DIAPH3: variants seen among roughly 807,000 people sequenced by gnomAD.
DIAPH3 encodes the protein protein diaphanous homolog 3.
In DIAPH3, 117 loss-of-function variants were observed where a neutral mutation model predicts 144.3. That is an observed-to-expected ratio of 0.81 (90% CI 0.70 to 0.95). DIAPH3 has a LOEUF of 0.95. Among genes scored for constraint, DIAPH3 ranks in the 40% least tolerant of loss-of-function variants. The pLI is 0.00. For missense variants in DIAPH3, 1,421 were observed against 1,412.7 expected, an observed-to-expected ratio of 1.01 and a Z score of -0.09; for synonymous variants, 519 against 488.9, an observed-to-expected ratio of 1.06 and a Z score of -0.81.
Position 60,112,196 on chromosome 13 carries a change from AAGAC to A in DIAPH3, c.214-14_214-11del. 1 of 1,613,810 alleles carries A rather than the reference AAGAC, an allele frequency of 6.2e-7. No individual in the cohort carries two copies. Among genetic ancestry groups the A allele is most frequent in the Non-Finnish European group, 8.5e-7 (1 of 1,179,966 alleles). ...TGGCAAATTTGTCCAGCTACAAAGA[AAGAC>A]AGAATGACACACGTGTAAGTATTTC... On this transcript the variant is annotated splice_polypyrimidine_tract_variant and intron_variant, in intron 2 of 27. Transcript: ENST00000400324.
At chr13:60,114,169 A>G (rs1198004613) in intron 2 of DIAPH3, among the ~76,000 whole-genome samples, 1 of 147,596 alleles carries the variant, frequency 6.8e-6, no homozygotes, top group East Asian at 1.9e-4. Flanking sequence ...AGAGAACTCT[A>G]CATTAACCCT....
At chr13:60,157,171 C>A (rs372790637) in intron 1 of DIAPH3, among the ~76,000 whole-genome samples, 1 of 151,832 alleles carries the variant, frequency 6.6e-6, no homozygotes, top group African/African-American at 2.4e-5. Context: ...CATCGAACTC[C>A]TGGCCTCAAG....
chr13:59,906,198 A>C (rs1377361492), intron 20 of DIAPH3, among the ~76,000 whole-genome samples: 2 of 152,248 alleles, frequency 1.3e-5, no homozygotes, highest in Non-Finnish European at 2.9e-5. Context: ...TCCTTCATTA[A>C]GAGAATGATT....
At chr13:60,130,629 C>T (rs983190011) in intron 2 of DIAPH3, among the ~76,000 whole-genome samples, 3 of 152,212 alleles carry the variant, frequency 2.0e-5, no homozygotes, top group Non-Finnish European at 4.4e-5. Flanking sequence ...AGAACAGTGA[C>T]TCTTTCACTT....
chr13:59,924,898 G>A (rs779047460), intron 17 of DIAPH3, 28 bp from the exon 18 acceptor site: 12 of 1,588,428 alleles, frequency 7.6e-6, no homozygotes, highest in Non-Finnish European at 1.0e-5. Context: ...ATCCATGTTA[G>A]GGGCAGCAAT....
intron 21 of DIAPH3, among the ~76,000 whole-genome samples, chr13:59,867,189 A>G (rs759400811): frequency 5.2e-4 from 78 of 151,364 alleles, no homozygotes; most frequent in Non-Finnish European, 9.9e-4. Context: ...ATAAAACAAG[A>G]TGGTTGAGGC....
At chr13:59,741,194 A>G (rs2036425259) in intron 27 of DIAPH3, among the ~76,000 whole-genome samples, 1 of 152,240 alleles carries the variant, frequency 6.6e-6, no homozygotes, top group South Asian at 2.1e-4. Context: ...TAGTTAGGAA[A>G]GAAGAAATAC....
intron 17 of DIAPH3, among the ~76,000 whole-genome samples, chr13:59,952,093 T>G (rs867081685): frequency 6.6e-6 from 1 of 152,130 alleles, no homozygotes; most frequent in African/African-American, 2.4e-5. Context: ...AACATAGCAC[T>G]GACACATGCT....
At chr13:60,028,919 T>C (rs2054579809) in intron 5 of DIAPH3, among the ~76,000 whole-genome samples, 1 of 151,694 alleles carries the variant, frequency 6.6e-6, no homozygotes, top group African/African-American at 2.4e-5. Flanking sequence ...ATTAGCCAGG[T>C]GTGGTGGCAT....
chr13:59,858,569 C>T (rs1401701549), intron 22 of DIAPH3, among the ~76,000 whole-genome samples: 3 of 151,880 alleles, frequency 2.0e-5, no homozygotes, highest in East Asian at 1.9e-4. Context: ...GTAAACTTAC[C>T]TTAGTTTTAT....
At chr13:59,718,641 C>A (rs556651152) in intron 27 of DIAPH3, among the ~76,000 whole-genome samples, 4 of 152,074 alleles carry the variant, frequency 2.6e-5, no homozygotes, top group Non-Finnish European at 5.9e-5. Context: ...TATAAAGAAA[C>A]ATTAATATTA....
At chr13:60,090,783 A>G (rs2057903691) in intron 4 of DIAPH3, among the ~76,000 whole-genome samples, 1 of 152,228 alleles carries the variant, frequency 6.6e-6, no homozygotes, top group Non-Finnish European at 1.5e-5. Context: ...CATCTGCCAA[A>G]TTATTCAGAA....
chr13:59,733,251 A>G (rs2035974755), intron 27 of DIAPH3, among the ~76,000 whole-genome samples: 1 of 152,238 alleles, frequency 6.6e-6, no homozygotes. Context: ...AAGCACATTA[A>G]TGAATATGAA....
At chr13:59,892,691 TACTC>T (rs1270301531) in intron 20 of DIAPH3, among the ~76,000 whole-genome samples, 1 of 151,876 alleles carries the variant, frequency 6.6e-6, no homozygotes, top group East Asian at 1.9e-4. Flanking sequence ...TCATTAAAAA[TACTC>T]AATCCAAAAG....
intron 21 of DIAPH3, among the ~76,000 whole-genome samples, chr13:59,862,182 G>A (rs2043633681): frequency 6.6e-6 from 1 of 152,126 alleles, no homozygotes; most frequent in Admixed American, 6.5e-5. Flanking sequence ...ACACCTCTGA[G>A]GCAGCTGAGT....
rs181748968 is a variant in DIAPH3, at chr13:59,800,515, C to T, written c.3163+10273G>A. On this transcript the variant is annotated intron_variant, in intron 25 of 27. Transcript: ENST00000400324. Reference sequence around the variant, plus strand: ...CTAATATTTTCTGGGCAGAGAAGAACGTTTCTTTAATTTCCCACAATGCCT... The same window carrying T: ...CTAATATTTTCTGGGCAGAGAAGAATGTTTCTTTAATTTCCCACAATGCCT... 3.5e-4 allele frequency among the ~76,000 whole-genome samples: 54 copies of T among 152,256 alleles called. 1 individual carries two copies. In the East Asian group the frequency reaches 6.2e-3, roughly 17 times the overall value.
chr13:60,078,228 T>C (rs2057438994), intron 4 of DIAPH3, among the ~76,000 whole-genome samples: 1 of 152,164 alleles, frequency 6.6e-6, no homozygotes, highest in South Asian at 2.1e-4. Flanking sequence ...AAGCATATTA[T>C]ATCTCACTCA....
chr13:60,157,578 T>C (rs189532718), intron 1 of DIAPH3, among the ~76,000 whole-genome samples: 138 of 152,374 alleles, frequency 9.1e-4, no homozygotes, highest in South Asian at 2.3e-3. Context: ...ACAACTGAGT[T>C]ATCTTGAGAC....
intron 18 of DIAPH3, among the ~76,000 whole-genome samples, chr13:59,919,732 AAAGT>A (rs2047417803): frequency 6.6e-6 from 1 of 152,110 alleles, no homozygotes; most frequent in Admixed American, 6.6e-5. Context: ...CTCACCAGTA[AAAGT>A]AAGTACATAG....
Sources: allele counts gnomAD v4.1 joint callset (sites outside exome capture counted in the v4.1 genomes callset), GRCh38; gene constraint gnomAD v4.1.1; transcripts MANE v1.5; gene names NCBI Gene and HGNC (gene_info 2026-07-23, HGNC 2026-07-21).